KIFC1: variants seen among roughly 807,000 people sequenced by gnomAD.
KIFC1 encodes the protein kinesin-like protein KIFC1.
Under a neutral mutation model 66.6 loss-of-function variants are expected in KIFC1, and 37 were observed. The ratio of observed to expected loss-of-function variants is 0.56; its 90% CI spans 0.43 to 0.73. The LOEUF (loss-of-function observed/expected upper bound fraction) is 0.73, where lower values mean the gene tolerates loss of function less well. KIFC1 is among the 30% of genes least tolerant of loss of function. The probability of loss-of-function intolerance (pLI) is 0.00; values close to 1 mark genes in which losing one functional copy is unlikely to be tolerated. For synonymous variants in KIFC1, 325 were observed against 343.5 expected, an observed-to-expected ratio of 0.95 and a Z score of 0.60; for missense variants, 721 against 859.8, an observed-to-expected ratio of 0.84 and a Z score of 2.02.
In KIFC1 at chr6:33,405,574, G is replaced by A. The variant is rs754781888; in HGVS notation, c.1479G>A (p.Gly493=). 1 of 1,571,460 alleles carries A rather than the reference G, an allele frequency of 6.4e-7. No homozygotes were observed. Among genetic ancestry groups the A allele is most frequent in the South Asian group, 1.2e-5 (1 of 85,276 alleles). ...GTGAGATTCGCCGTGCAGGGCCAGG[G>A]AGTGAGGAGCTCACTGTCACCAATG... ...GECEIRRAGP[G]SEELTVTNAR... Residue 493 remains glycine (G), a synonymous_variant, in exon 7 of 11, where the codon GGG becomes GGA. Transcript: ENST00000428849. The surrounding 1 kb of genome is among the most constrained non-coding windows in gnomAD (Gnocchi z 5.4).
At position 33,405,410 on chromosome 6, in the gene KIFC1, C is replaced by T. The variant is rs1008439703; in HGVS notation, c.1315C>T (p.Arg439Trp). ...GGAGGGGCTGATCCCTCGGGCCCTGCGGCACCTCTTCTCTGTGGCTCAGGA... is the reference window on the plus strand; with the variant it reads ...GGAGGGGCTGATCCCTCGGGCCCTGTGGCACCTCTTCTCTGTGGCTCAGGA... The part of the protein sequence containing the change: ...QLEGLIPRAL[R>W]HLFSVAQELS... The change falls in exon 7 of 11, where the codon CGG (arginine) becomes TGG (tryptophan). Residue 439 changes from arginine to tryptophan, a missense_variant. Transcript: ENST00000428849. This position sits in a 1 kb window ranked among gnomAD's most constrained non-coding sequence, Gnocchi z 5.4. 23 of 1,604,086 alleles carry T rather than the reference C, an allele frequency of 1.4e-5. No individual in the cohort carries two copies. The highest frequency in any genetic ancestry group is 2.7e-5 in the African/African-American group (2 of 74,692).
Position 33,400,534 on chromosome 6 carries a change from T to C in KIFC1, c.250+2147T>C, listed in dbSNP as rs779506260. ...CCTCAGGTATACGACCTTGATCTCG[T>C]TGGGGTCGAACTTCGGTGGCATGGT... On this transcript the variant is annotated intron_variant, in intron 3 of 10. Transcript: ENST00000428849. The surrounding 1 kb of genome is among the most constrained non-coding windows in gnomAD (Gnocchi z 4.3). 5.8e-5 allele frequency: 89 copies of C among 1,543,032 alleles called. No individual in the cohort carries two copies. Among genetic ancestry groups the C allele is most frequent in the Middle Eastern group, 2.3e-4 (1 of 4,336 alleles).
At position 33,398,368 on chromosome 6, in the gene KIFC1, G is replaced by T; in HGVS notation, c.231G>T (p.Gln77His). 6.2e-7 allele frequency: 1 copy of T among 1,613,904 alleles called. No individual in the cohort carries two copies. The highest frequency in any genetic ancestry group is 8.5e-7 in the Non-Finnish European group (1 of 1,179,812). The change falls in exon 3 of 11, where the codon CAG becomes CAT. Residue 77 changes from glutamine to histidine, a missense_variant. Coordinates refer to ENST00000428849, the MANE Select transcript of KIFC1 (RefSeq NM_002263.4). ...PRVPSLTTVP[Q>H]TQGQTTAQKV... ...TTCCATCCCTCACTACAGTGCCACA[G>T]ACACAAGGCCAGACCACAGGTGGGC... is the stretch of plus-strand genomic sequence containing the variant.
At chr6:33,396,244 C>T (rs2151082958) in intron 1 of KIFC1, among the ~76,000 whole-genome samples, 1 of 152,204 alleles carries the variant, frequency 6.6e-6, no homozygotes, top group Non-Finnish European at 1.5e-5. Flanking sequence ...TGAAACCAAT[C>T]CTGCTGGGTC....
intron 1 of KIFC1, among the ~76,000 whole-genome samples, chr6:33,396,324 C>A (rs890119494): frequency 1.3e-5 from 2 of 151,340 alleles, no homozygotes; most frequent in Non-Finnish European, 2.9e-5. Flanking sequence ...ACTCAAAGTT[C>A]AAAGCCAGCT....
rs188709354 is a variant in KIFC1 at position 33,394,374 on chromosome 6, G to C, written c.12+2377G>C. 4.6e-3 allele frequency among the ~76,000 whole-genome samples: 704 copies of C among 152,300 alleles called. 4 individuals are homozygous for C. The highest frequency in any genetic ancestry group is 0.011 in the African/African-American group (457 of 41,564). The stretch of plus-strand genomic sequence containing the variant: ...AGAAAGAGAGGACTCTGGGTTTTTG[G>C]CTTGAGCAACTGAAAGATGGAGTTA... On this transcript the variant is annotated intron_variant, in intron 1 of 10. Coordinates refer to ENST00000428849, the MANE Select transcript of KIFC1 (RefSeq NM_002263.4).
At chr6:33,407,590 C>T in intron 10 of KIFC1, among the ~76,000 whole-genome samples, 1 of 152,226 alleles carries the variant, frequency 6.6e-6, no homozygotes, top group Non-Finnish European at 1.5e-5. Context: ...CGTTGACTAA[C>T]TTTGTACATA....
Position 33,405,667 on chromosome 6 carries a change from G to C in KIFC1, c.1536+36G>C, listed in dbSNP as rs796487418. 3.4e-6 allele frequency: 5 copies of C among 1,474,596 alleles called. No homozygotes were observed. The highest frequency in any genetic ancestry group is 2.8e-5 in the South Asian group (2 of 70,798). 91.3% of individuals were successfully genotyped at this position (1,474,596 alleles called of 1,614,324 possible). A position where few individuals can be genotyped will look rare whatever the true frequency, so the allele number is the denominator to read the frequency against. On this transcript the variant is annotated intron_variant, in intron 7 of 10. Coordinates refer to ENST00000428849, the MANE Select transcript of KIFC1 (RefSeq NM_002263.4). The surrounding 1 kb of genome is among the most constrained non-coding windows in gnomAD (Gnocchi z 5.4). ...ATGGGCACTGGAACTGGGAAATGGG[G>C]AGGAGTGGGCAGGGTGCCACGAGAT...
chr6:33,402,599 G>A, intron 3 of KIFC1, among the ~76,000 whole-genome samples: 1 of 151,836 alleles, frequency 6.6e-6, no homozygotes, highest in South Asian at 2.1e-4. Context: ...GCGTGGTGGC[G>A]CTTGCCTGTA....
intron 3 of KIFC1, among the ~76,000 whole-genome samples, chr6:33,402,262 G>A (rs1419818043): frequency 6.6e-6 from 1 of 152,106 alleles, no homozygotes; most frequent in East Asian, 1.9e-4. Flanking sequence ...ACATTACCAT[G>A]GCTATAATGT....
At chr6:33,391,645 C>G, upstream of KIFC1, 2 of 509,984 alleles carry the variant, frequency 3.9e-6, no homozygotes, top group Non-Finnish European at 7.1e-6. Flanking sequence ...ATAAGTGGCA[C>G]CGGAAGTGGA....
At position 33,405,526 on chromosome 6, in the gene KIFC1, C is replaced by A. The variant is rs771178651; in HGVS notation, c.1431C>A (p.Thr477=). The change falls in exon 7 of 11, where the codon ACC becomes ACA. Residue 477 remains threonine (T), a synonymous_variant. Transcript: ENST00000428849. This position sits in a 1 kb window ranked among gnomAD's most constrained non-coding sequence, Gnocchi z 5.4. ...TCCGGGACCTGCTGGCCACTGGAAC[C>A]CGGAAGGGTCAAGGGGGCGAGTGTG... is the stretch of plus-strand genomic sequence containing the variant. ...ETVRDLLATG[T]RKGQGGECEI... 1 of 1,611,580 alleles carries A rather than the reference C, an allele frequency of 6.2e-7. No individual in the cohort carries two copies. The highest frequency in any genetic ancestry group is 1.7e-5 in the Admixed American group (1 of 59,738).
intron 1 of KIFC1, among the ~76,000 whole-genome samples, chr6:33,396,436 C>CTTTTTTTTTTTTTTTTTTTTTT (rs199749552): frequency 4.3e-5 from 5 of 116,258 alleles, no homozygotes; most frequent in African/African-American, 1.0e-4. Flanking sequence ...CTTTTCTTTT[C>CTTTTTTTTTTTTTTTTTTTTTT]TTTTTTTTTT....
At position 33,398,073 on chromosome 6, in the gene KIFC1, A is replaced by T; in HGVS notation, c.57A>T (p.Arg19Ser). The change falls in exon 2 of 11, where the codon AGA (arginine) becomes AGT (serine). Residue 19 changes from arginine to serine, a missense_variant. Coordinates refer to ENST00000428849, the MANE Select transcript of KIFC1 (RefSeq NM_002263.4). Reference protein sequence around the residue: ...LEVKGNIELKRPLIKAPSQLP... With the variant: ...LEVKGNIELKSPLIKAPSQLP... The stretch of plus-strand genomic sequence containing the variant: ...TAAAGGGGAACATAGAACTGAAGAG[A>T]CCTCTGATTAAGGCCCCTTCCCAGC... The T allele has an allele frequency of 6.2e-7, 1 of 1,613,704 alleles. No homozygotes were observed. Among genetic ancestry groups the T allele is most frequent in the Non-Finnish European group, 8.5e-7 (1 of 1,179,864 alleles).
Position 33,400,654 on chromosome 6 carries a change from C to G in KIFC1, c.250+2267C>G. 1.8e-6 allele frequency: 1 copy of G among 560,298 alleles called. No individual in the cohort carries two copies. The highest frequency in any genetic ancestry group is 2.4e-5 in the South Asian group (1 of 42,458). 34.7% of individuals were successfully genotyped at this position (560,298 alleles called of 1,614,324 possible). ...AGCCGAAAGCCGAGAGCTTCTCTCT[C>G]TTTTTTTTTTGAGATGGAGTCTCGC... On this transcript the variant is annotated intron_variant, in intron 3 of 10. Transcript: ENST00000428849. The surrounding 1 kb of genome is among the most constrained non-coding windows in gnomAD (Gnocchi z 4.3).
In KIFC1 at chr6:33,406,566, C is replaced by T. The variant is rs1257412346; in HGVS notation, c.1828-26C>T. 3.7e-6 allele frequency: 6 copies of T among 1,613,858 alleles called. No individual in the cohort carries two copies. The highest frequency in any genetic ancestry group is 4.2e-6 in the Non-Finnish European group (5 of 1,179,808). On this transcript the variant is annotated intron_variant, in intron 8 of 10. Coordinates refer to ENST00000428849, the MANE Select transcript of KIFC1 (RefSeq NM_002263.4). The surrounding 1 kb of genome is among the most constrained non-coding windows in gnomAD (Gnocchi z 4.5). ...GTGCAGAACCCTGCCTATTCCTAAACATCTGTCCCCACCTCAATCATCTAG... is the reference window on the plus strand; with the variant it reads ...GTGCAGAACCCTGCCTATTCCTAAATATCTGTCCCCACCTCAATCATCTAG...
Position 33,406,487 on chromosome 6 carries a change from G to T in KIFC1, c.1827+1G>T. 6.2e-7 allele frequency: 1 copy of T among 1,600,970 alleles called. No individual in the cohort carries two copies. Among genetic ancestry groups the T allele is most frequent in the South Asian group, 1.1e-5 (1 of 89,238 alleles). ...GGTTATCATGGCCCTGAGCAACAAG[G>T]TGGGAATGGGAGTGGGGTGAGATAC... On this transcript the variant is annotated splice_donor_variant, in intron 8 of 10. Transcript: ENST00000428849. LOFTEE classifies it high-confidence loss of function. This position sits in a 1 kb window ranked among gnomAD's most constrained non-coding sequence, Gnocchi z 4.5.
chr6:33,409,232 T>C (rs966551882), intron 10 of KIFC1, among the ~76,000 whole-genome samples: 4 of 152,188 alleles, frequency 2.6e-5, no homozygotes, highest in African/African-American at 9.7e-5. Flanking sequence ...AGAACTCTAG[T>C]AGTCTTTTCA....
At chr6:33,408,346 C>T (rs1358651054) in intron 10 of KIFC1, among the ~76,000 whole-genome samples, 1 of 152,224 alleles carries the variant, frequency 6.6e-6, no homozygotes, top group Admixed American at 6.5e-5. Context: ...TGGTTGCTTC[C>T]TCTTTCCCCC....
Sources: gnomAD v4.1 joint callset for allele counts (sites outside exome capture counted in the v4.1 genomes callset) on GRCh38, gnomAD v4.1.1 for gene constraint, Gnocchi (gnomAD v3.1) non-coding constraint, MANE v1.5 for transcripts, NCBI Gene and HGNC (gene_info 2026-07-23, HGNC 2026-07-21) for gene names.